PLCL2: variants seen among roughly 807,000 people sequenced by gnomAD.
The protein encoded by PLCL2 is phospholipase C like 2, also known as inactive phospholipase C-like protein 2.
PLCL2 carries 4 observed loss-of-function variants against 79.6 expected under a neutral mutation model. That is an observed-to-expected ratio of 0.05 (90% CI 0.02 to 0.11). The LOEUF is 0.11. PLCL2 is among the 10% of genes least tolerant of loss of function. PLCL2 has a pLI of 1.00. For synonymous variants in PLCL2, 484 were observed against 457.7 expected, an observed-to-expected ratio of 1.06 and a Z score of -0.73; for missense variants, 895 against 1,291.0, an observed-to-expected ratio of 0.69 and a Z score of 4.70.
intron 1 of PLCL2, among the ~76,000 whole-genome samples, chr3:16,905,510 A>G (rs1363461316): frequency 6.6e-6 from 1 of 152,184 alleles, no homozygotes; most frequent in African/African-American, 2.4e-5. Context: ...TTTTTTGGAA[A>G]GCAGCCAGTT....
intron 5 of PLCL2, among the ~76,000 whole-genome samples, chr3:17,077,504 T>C (rs1245237726): frequency 1.3e-5 from 2 of 152,218 alleles, no homozygotes; most frequent in Non-Finnish European, 2.9e-5. Flanking sequence ...TTTTTGCTCA[T>C]TTCATCAGGA....
In PLCL2 at chr3:17,011,545, G is replaced by C; in HGVS notation, c.2199G>C (p.Met733Ile). ...NCGYVLRPAI[M>I]REEVSFFSAN... ...GCTATGTCCTCCGGCCAGCCATCAT[G>C]AGGGAGGAGGTCTCCTTCTTCAGCG... Residue 733 changes from methionine to isoleucine, a missense_variant, in exon 2 of 6, where the codon ATG becomes ATC. Met to Ile is a conservative substitution (Grantham distance 10). Transcript: ENST00000615277. The surrounding 1 kb of genome is among the most constrained non-coding windows in gnomAD (Gnocchi z 7.9). 6.2e-7 allele frequency: 1 copy of C among 1,614,158 alleles called. No homozygotes were observed. Among genetic ancestry groups the C allele is most frequent in the Non-Finnish European group, 8.5e-7 (1 of 1,180,024 alleles).
chr3:16,965,830 A>T (rs1228305243), intron 1 of PLCL2, among the ~76,000 whole-genome samples: 1 of 151,082 alleles, frequency 6.6e-6, no homozygotes, highest in Non-Finnish European at 1.5e-5. Flanking sequence ...TTTGTCTGTT[A>T]TTGGTGTATA....
At chr3:16,910,302 T>A (rs1696847882) in intron 1 of PLCL2, among the ~76,000 whole-genome samples, 1 of 152,122 alleles carries the variant, frequency 6.6e-6, no homozygotes, top group Non-Finnish European at 1.5e-5. Context: ...TCACTGTCAC[T>A]TTTCTCCAAA....
intron 4 of PLCL2, among the ~76,000 whole-genome samples, chr3:17,058,595 T>A (rs1165318371): frequency 6.6e-6 from 1 of 152,078 alleles, no homozygotes; most frequent in African/African-American, 2.4e-5. Context: ...CACCTCCAAG[T>A]CTAAAGTTTG....
chr3:16,924,098 T>G (rs2124937004), intron 1 of PLCL2, among the ~76,000 whole-genome samples: 1 of 152,332 alleles, frequency 6.6e-6, no homozygotes, highest in East Asian at 1.9e-4. Flanking sequence ...GATTAGTACA[T>G]CCAATGTGTG....
chr3:17,067,388 C>A (rs1268073627), intron 4 of PLCL2, among the ~76,000 whole-genome samples: 1 of 152,126 alleles, frequency 6.6e-6, no homozygotes, highest in Non-Finnish European at 1.5e-5. Flanking sequence ...TTGTTTTGAA[C>A]AGCAGTAGGG....
At chr3:16,909,523 A>T (rs1435933696) in intron 1 of PLCL2, among the ~76,000 whole-genome samples, 1 of 152,178 alleles carries the variant, frequency 6.6e-6, no homozygotes, top group African/African-American at 2.4e-5. Context: ...ATATTTCAGG[A>T]TCATTGATTT....
intron 1 of PLCL2, among the ~76,000 whole-genome samples, chr3:16,995,243 T>C (rs1018683612): frequency 6.6e-6 from 1 of 152,226 alleles, no homozygotes; most frequent in Non-Finnish European, 1.5e-5. Context: ...AGAAACAAAA[T>C]AAATGCCTAC....
At chr3:17,049,409 A>G (rs771395938) in intron 4 of PLCL2, among the ~76,000 whole-genome samples, 3 of 152,216 alleles carry the variant, frequency 2.0e-5, no homozygotes, top group Admixed American at 6.5e-5. Context: ...TGCAGATAAT[A>G]TGATCTTATG....
chr3:16,958,918 C>T (rs1173508978), intron 1 of PLCL2, among the ~76,000 whole-genome samples: 1 of 152,186 alleles, frequency 6.6e-6, no homozygotes, highest in East Asian at 1.9e-4. Flanking sequence ...TTCCCCCTAA[C>T]TCGAGTCCCT....
chr3:16,890,377 C>T (rs1047891030), intron 1 of PLCL2, among the ~76,000 whole-genome samples: 9 of 152,222 alleles, frequency 5.9e-5, no homozygotes, highest in Non-Finnish European at 8.8e-5. Context: ...AATCTGTTCA[C>T]TTCCTTTTAT....
rs560543108 is a variant in PLCL2 at position 16,941,204 on chromosome 3, A to G, written c.327+55838A>G. Among the ~76,000 whole-genome samples, 14 of 152,098 alleles carry G rather than the reference A, an allele frequency of 9.2e-5. No individual in the cohort carries two copies. The South Asian group carries it at 2.9e-3, about 32-fold the overall frequency. On this transcript the variant is annotated intron_variant, in intron 1 of 5. Transcript: ENST00000615277. ...GCTCATGACTGTCACATTTATCTCTATTGCCTGCTGACATCATTACTGGGA... is the reference window on the plus strand; with the variant it reads ...GCTCATGACTGTCACATTTATCTCTGTTGCCTGCTGACATCATTACTGGGA...
Position 17,072,829 on chromosome 3 carries a change from A to AC in PLCL2, c.3204+4766dup, listed in dbSNP as rs567577817. ...TCAGTATTTAAATTGGTTCACTGTCACCATCAGTCTGGGAAGTCACCCATG... is the reference window on the plus strand; with the variant it reads ...TCAGTATTTAAATTGGTTCACTGTCACCCATCAGTCTGGGAAGTCACCCATG... On this transcript the variant is annotated intron_variant, in intron 5 of 5. Transcript: ENST00000615277. 3.3e-5 allele frequency among the ~76,000 whole-genome samples: 5 copies of AC among 152,302 alleles called. No individual in the cohort carries two copies. The East Asian group carries it at 9.6e-4, about 29-fold the overall frequency.
At chr3:16,989,726 A>G (rs2064084773) in intron 1 of PLCL2, among the ~76,000 whole-genome samples, 3 of 152,202 alleles carry the variant, frequency 2.0e-5, no homozygotes, top group Admixed American at 6.5e-5. Flanking sequence ...CTACCCAAAG[A>G]TAATTAAGTG....
chr3:16,913,508 A>G (rs781454254), intron 1 of PLCL2, among the ~76,000 whole-genome samples: 1 of 151,964 alleles, frequency 6.6e-6, no homozygotes, highest in Non-Finnish European at 1.5e-5. Context: ...TAAGCAAACG[A>G]ATTAATATTT....
intron 5 of PLCL2, chr3:17,081,370 G>T (rs1474998218): frequency 2.5e-6 from 1 of 402,158 alleles, no homozygotes; most frequent in African/African-American, 2.1e-5. Context: ...CCATTACACA[G>T]GTGGCAGAGG....
chr3:17,080,703 G>A (rs973561934), intron 5 of PLCL2, among the ~76,000 whole-genome samples: 3 of 152,076 alleles, frequency 2.0e-5, no homozygotes, highest in East Asian at 3.9e-4. Flanking sequence ...CGCCCACCTC[G>A]GCCTCCCAAA....
chr3:16,998,156 C>T (rs1252540291), intron 1 of PLCL2, among the ~76,000 whole-genome samples: 1 of 151,594 alleles, frequency 6.6e-6, no homozygotes, highest in Non-Finnish European at 1.5e-5. Flanking sequence ...TTCCCTCAAC[C>T]CCAAGCAGTG....
Sources: gnomAD v4.1 joint callset for allele counts (sites outside exome capture counted in the v4.1 genomes callset) on GRCh38, gnomAD v4.1.1 for gene constraint, Gnocchi (gnomAD v3.1) non-coding constraint, MANE v1.5 for transcripts, NCBI Gene and HGNC (gene_info 2026-07-23, HGNC 2026-07-21) for gene names.